Variants in FKBP15 observed in about 807,000 individuals in gnomAD.
FKBP15 encodes the protein FKBP prolyl isomerase family member 15, also known as FK506-binding protein 15.
Under a neutral mutation model 158.1 loss-of-function variants are expected in FKBP15, and 106 were observed. The observed-to-expected ratio is 0.67, with a 90% CI of 0.57 to 0.79. The LOEUF (loss-of-function observed/expected upper bound fraction) is 0.79. Ranked by LOEUF, FKBP15 falls within the 30% of genes least tolerant of loss-of-function variation. The probability of loss-of-function intolerance (pLI) is 0.00; values close to 1 mark genes in which losing one functional copy is unlikely to be tolerated. For missense variants in FKBP15, 1,287 were observed against 1,479.1 expected (o/e 0.87, Z 2.13); for synonymous variants, 547 against 548.6 (o/e 1.00, Z 0.04).
At chr9:113,204,149 C>T (rs1198035883) in intron 4 of FKBP15, among the ~76,000 whole-genome samples, 1 of 152,190 alleles carries the variant, frequency 6.6e-6, no homozygotes, top group Non-Finnish European at 1.5e-5. Flanking sequence ...ATGATCTCAG[C>T]TTACCGCAAC....
rs567403925 is a variant in FKBP15, at chr9:113,163,843, T to G, written c.*2235A>C. On this transcript the variant is annotated 3_prime_UTR_variant, in exon 28 of 28. Transcript: ENST00000238256. ...ATGTTCAATACTTAATATTCTCTATTTATTACTTACTGCTTACTCGTAATG... is the reference window on the plus strand; with the variant it reads ...ATGTTCAATACTTAATATTCTCTATGTATTACTTACTGCTTACTCGTAATG... 10 of 152,776 alleles carry G rather than the reference T, an allele frequency of 6.5e-5. No individual in the cohort carries two copies. The South Asian group carries it at 2.1e-3, about 32-fold the overall frequency. 9.5% of individuals were successfully genotyped at this position (152,776 alleles called of 1,614,324 possible).
At chr9:113,170,661 A>G (rs764273571) in intron 24 of FKBP15, 32 bp from the exon 25 acceptor site, 23 of 1,520,910 alleles carry the variant, frequency 1.5e-5, no homozygotes, top group Non-Finnish European at 2.1e-5. Context: ...TGCTGTCAAA[A>G]TCAAGTCACT....
At chr9:113,220,990 T>G (rs1325383359) in intron 1 of FKBP15, among the ~76,000 whole-genome samples, 1 of 152,176 alleles carries the variant, frequency 6.6e-6, no homozygotes, top group Non-Finnish European at 1.5e-5. Context: ...CCAAGAGAGA[T>G]GCCGGGTCCC....
Position 113,184,947 on chromosome 9 carries a change from G to A in FKBP15, c.1499-143C>T. ...TGCTATAGGTGACTTCACCCTGTCA[G>A]GAGAAGATATATGGGAGAGAGTAGA... On this transcript the variant is annotated intron_variant, in intron 15 of 27. Coordinates refer to ENST00000238256, the MANE Select transcript of FKBP15 (RefSeq NM_015258.2). This position sits in a 1 kb window ranked among gnomAD's most constrained non-coding sequence, Gnocchi z 4.5. 9.1e-6 allele frequency: 6 copies of A among 662,236 alleles called. No homozygotes were observed. The highest frequency in any genetic ancestry group is 1.5e-5 in the Non-Finnish European group (6 of 391,072). The allele number at this position is 662,236 out of a possible 1,614,324, so 41.0% of individuals were successfully genotyped here. A position where few individuals can be genotyped will look rare whatever the true frequency, so the allele number is the denominator to read the frequency against.
At chr9:113,219,626 A>C (rs185315991) in intron 1 of FKBP15, among the ~76,000 whole-genome samples, 3 of 152,374 alleles carry the variant, frequency 2.0e-5, no homozygotes, top group Non-Finnish European at 4.4e-5. Flanking sequence ...AAGCCTGCTC[A>C]GGAAAAAAGA....
rs987838720 is a variant in FKBP15, at chr9:113,165,089, G to A, written c.*989C>T. On this transcript the variant is annotated 3_prime_UTR_variant, in exon 28 of 28. Transcript: ENST00000238256. ...ATTGCATAATCTTTGGAAGATCCTG[G>A]AATCAAGAAAATGACCACAAGTATT... is the stretch of plus-strand genomic sequence containing the variant. The A allele has an allele frequency of 2.0e-5, 3 of 151,940 alleles. No homozygotes were observed. Among genetic ancestry groups the A allele is most frequent in the Non-Finnish European group, 4.4e-5 (3 of 67,988 alleles). The allele number at this position is 151,940 out of a possible 1,614,324, so 9.4% of individuals were successfully genotyped here. A position where few individuals can be genotyped will look rare whatever the true frequency, so the allele number is the denominator to read the frequency against.
intron 1 of FKBP15, 72 bp from the exon 2 acceptor site, chr9:113,211,664 A>C (rs943271753): frequency 9.0e-7 from 1 of 1,110,650 alleles, no homozygotes; most frequent in Admixed American, 2.1e-5. Context: ...AAAGCTGCTC[A>C]TCTCCAACCT....
chr9:113,167,797 G>A (rs1830121522), intron 27 of FKBP15, among the ~76,000 whole-genome samples: 1 of 152,234 alleles, frequency 6.6e-6, no homozygotes, highest in Non-Finnish European at 1.5e-5. Flanking sequence ...GGGAGCAGCA[G>A]AGGCGAGAAC....
At chr9:113,170,501 A>G (rs1386368848) in intron 25 of FKBP15, 21 bp downstream of exon 25, 2 of 1,532,920 alleles carry the variant, frequency 1.3e-6, no homozygotes, top group East Asian at 2.2e-5. Context: ...GATGAAACAA[A>G]TGACAGCTGG....
chr9:113,171,300 C>A (rs1017859764), intron 24 of FKBP15, among the ~76,000 whole-genome samples: 10 of 152,148 alleles, frequency 6.6e-5, no homozygotes, highest in African/African-American at 2.4e-4. Context: ...GTGGCGCGTG[C>A]CTGTAGTCCC....
chr9:113,193,657 G>T, intron 10 of FKBP15, 108 bp from the exon 11 acceptor site: 1 of 906,628 alleles, frequency 1.1e-6, no homozygotes, highest in Non-Finnish European at 1.8e-6. Context: ...CCAATTTAAT[G>T]ACTGTAAAAC....
intron 2 of FKBP15, among the ~76,000 whole-genome samples, chr9:113,211,016 T>C (rs1830990399): frequency 6.6e-6 from 1 of 152,242 alleles, no homozygotes. Context: ...ACTGGCTTCC[T>C]TGTTCTTCAA....
In FKBP15 at chr9:113,184,198, A is replaced by G; in HGVS notation, c.1716+94T>C. 1.2e-6 allele frequency: 1 copy of G among 811,694 alleles called. No individual in the cohort carries two copies. The highest frequency in any genetic ancestry group is 1.6e-5 in the South Asian group (1 of 62,328). 50.3% of individuals were successfully genotyped at this position (811,694 alleles called of 1,614,324 possible). A position where few individuals can be genotyped will look rare whatever the true frequency, so the allele number is the denominator to read the frequency against. ...CCCAGTGTAGCGTTTATCACAGGCT[A>G]TTTCTGGGGTGGAGGTGTTAAAGAG... On this transcript the variant is annotated intron_variant, in intron 17 of 27. Transcript: ENST00000238256. This position sits in a 1 kb window ranked among gnomAD's most constrained non-coding sequence, Gnocchi z 4.5.
At position 113,170,585 on chromosome 9, in the gene FKBP15, C is replaced by T; in HGVS notation, c.2703G>A (p.Glu901=). The T allele has an allele frequency of 6.2e-7, 1 of 1,613,906 alleles. No individual in the cohort carries two copies. Among genetic ancestry groups the T allele is most frequent in the Non-Finnish European group, 8.5e-7 (1 of 1,179,782 alleles). Reference sequence around the variant, plus strand: ...CATTGTAAGATTCCTCCAGCTCAAACTCTCTCCGTAAGGACTGGAACACCT... The same window carrying T: ...CATTGTAAGATTCCTCCAGCTCAAATTCTCTCCGTAAGGACTGGAACACCT... ...MNQVFQSLRR[E]FELEESYNGR... is the part of the protein sequence containing the mutation. The change falls in exon 25 of 28, where the codon GAG becomes GAA. Residue 901 remains glutamate, a synonymous_variant. Coordinates refer to ENST00000238256, the MANE Select transcript of FKBP15 (RefSeq NM_015258.2).
Position 113,178,649 on chromosome 9 carries a change from T to A in FKBP15, c.2067A>T (p.Lys689Asn). The A allele has an allele frequency of 6.2e-7, 1 of 1,610,080 alleles. No homozygotes were observed. The highest frequency in any genetic ancestry group is 8.5e-7 in the Non-Finnish European group (1 of 1,178,512). ...ACATACCTGAGAGCTTTGCCTGCAC[T>A]TTGGTGAGCTGGCCCCTGAGAAGAT... ...ETDLLRGQLT[K>N]VQAKLSELQE... The change falls in exon 20 of 28, where the codon AAA becomes AAT. Residue 689 changes from lysine (K) to asparagine (N), a missense_variant. By Grantham distance (94) the Lys-to-Asn change is moderately conservative. Transcript: ENST00000238256.
intron 12 of FKBP15, 129 bp from the exon 13 acceptor site, chr9:113,188,620 G>C (rs78381705): frequency 2.8e-6 from 2 of 709,854 alleles, no homozygotes; most frequent in Non-Finnish European, 4.7e-6. Context: ...AAAGGTAAGC[G>C]GAAGGCCAAG....
Position 113,161,602 on chromosome 9 carries a change from T to C in FKBP15, c.*4476A>G, listed in dbSNP as rs574583492. The C allele has an allele frequency of 6.2e-7, 1 of 1,613,944 alleles. No homozygotes were observed. Among genetic ancestry groups the C allele is most frequent in the African/African-American group, 1.3e-5 (1 of 75,036 alleles). ...GCCAAGCTGCTCAACCAGGTACTGG[T>C]GAACCTGCCAACCTCCATCAGCCAG... On this transcript the variant is annotated 3_prime_UTR_variant, in exon 28 of 28. Transcript: ENST00000238256.
intron 22 of FKBP15, 60 bp from the exon 23 acceptor site, chr9:113,173,665 C>T (rs1476271038): frequency 5.8e-6 from 9 of 1,543,650 alleles, no homozygotes; most frequent in Non-Finnish European, 7.9e-6. Context: ...GATTCCATTG[C>T]ACCTAGGGAA....
At chr9:113,208,685 A>C (rs1830942916) in intron 2 of FKBP15, among the ~76,000 whole-genome samples, 1 of 152,128 alleles carries the variant, frequency 6.6e-6, no homozygotes, top group Non-Finnish European at 1.5e-5. Context: ...GGAGTATAAA[A>C]AATTTAAGGT....
Sources: allele counts gnomAD v4.1 joint callset (sites outside exome capture counted in the v4.1 genomes callset), GRCh38; gene constraint gnomAD v4.1.1; non-coding constraint Gnocchi (gnomAD v3.1); transcripts MANE v1.5; gene names NCBI Gene and HGNC (gene_info 2026-07-23, HGNC 2026-07-21).